CTBP1: variants seen among roughly 807,000 people sequenced by gnomAD.
CTBP1 encodes C-terminal binding protein 1.
CTBP1 carries 11 observed loss-of-function variants against 42.1 expected under a neutral mutation model. The observed-to-expected ratio is 0.26, with a 90% confidence interval of 0.16 to 0.43. CTBP1 has a LOEUF of 0.43. CTBP1 is among the 20% of genes least tolerant of loss of function. The probability of loss-of-function intolerance (pLI) is 1.00; values close to 1 mark genes in which losing one functional copy is unlikely to be tolerated. For missense variants in CTBP1, 399 were observed against 624.3 expected, an observed-to-expected ratio of 0.64 and a Z score of 3.85; for synonymous variants, 324 against 277.1, an observed-to-expected ratio of 1.17 and a Z score of -1.68.
rs139564814 is a variant in CTBP1, at chr4:1,222,840, C to T, written c.514+2520G>A. ...GGGCCGGGACCACAGACCCCGACCC[C>T]AGGAGAGACAGGACACATGACTCTG... On this transcript the variant is annotated intron_variant, in intron 5 of 9. Coordinates refer to ENST00000382952, the MANE Select transcript of CTBP1 (RefSeq NM_001012614.2). Among the ~76,000 whole-genome samples, 396 of 152,254 alleles carry T rather than the reference C, an allele frequency of 2.6e-3. 2 individuals are homozygous for T. The highest frequency in any genetic ancestry group is 8.6e-3 in the African/African-American group (358 of 41,542).
At chr4:1,237,647 C>T (rs151114452) in intron 3 of CTBP1, 12,582 of 370,538 alleles carry the variant, frequency 0.034, 438 homozygotes, top group Middle Eastern at 0.089. Flanking sequence ...ACCCCGTGTC[C>T]ACCTCCTGAT....
At position 1,221,989 on chromosome 4, in the gene CTBP1, G is replaced by A. The variant is rs1183403356; in HGVS notation, c.514+3371C>T. Reference sequence around the variant, plus strand: ...GTCTGCGCCGAGTGGCACCAACACCGTGAGCCACACGCTGCCCAGGGCTTC... The same window carrying A: ...GTCTGCGCCGAGTGGCACCAACACCATGAGCCACACGCTGCCCAGGGCTTC... On this transcript the variant is annotated intron_variant, in intron 5 of 9. Transcript: ENST00000382952. The A allele has an allele frequency of 2.0e-5, 6 of 304,732 alleles. 1 individual carries two copies. Among genetic ancestry groups the A allele is most frequent in the Admixed American group, 9.1e-5 (2 of 21,868 alleles). 18.9% of individuals were successfully genotyped at this position (304,732 alleles called of 1,614,324 possible).
At chr4:1,242,236 G>A (rs1305814261) in intron 1 of CTBP1, 2 of 985,324 alleles carry the variant, frequency 2.0e-6, no homozygotes, top group African/African-American at 1.7e-5. Context: ...GTAGAGGCTT[G>A]AGAGTGCACA....
intron 5 of CTBP1, among the ~76,000 whole-genome samples, chr4:1,219,817 T>G (rs1463260504): frequency 2.0e-5 from 3 of 152,254 alleles, no homozygotes. Context: ...CACAAGCCAC[T>G]GCACCCGGCC....
intron 5 of CTBP1, among the ~76,000 whole-genome samples, chr4:1,222,195 C>G (rs1729815032): frequency 6.6e-6 from 1 of 152,116 alleles, no homozygotes; most frequent in Admixed American, 6.5e-5. Flanking sequence ...GGCTCAGGGA[C>G]AAGGGCGAGG....
chr4:1,221,906 G>A (rs1158673751), intron 5 of CTBP1: 3 of 390,000 alleles, frequency 7.7e-6, no homozygotes, highest in South Asian at 1.8e-5. Flanking sequence ...GAAACAAGAA[G>A]GAGATGTAAG....
chr4:1,240,192 G>A (rs972880665), intron 2 of CTBP1, among the ~76,000 whole-genome samples: 4 of 147,934 alleles, frequency 2.7e-5, no homozygotes, highest in South Asian at 4.4e-4. Flanking sequence ...GGGGACTCCC[G>A]GGTGCTGGGT....
chr4:1,239,569 A>C (rs893280731), intron 2 of CTBP1, among the ~76,000 whole-genome samples: 41 of 152,198 alleles, frequency 2.7e-4, no homozygotes, highest in Non-Finnish European at 8.8e-5. Context: ...TCCAGGAAGC[A>C]GGGAAGTGCC....
rs1321257904 is a variant in CTBP1 at position 1,216,052 on chromosome 4, G to C, written c.668C>G (p.Thr223Ser). The C allele has an allele frequency of 3.1e-6, 5 of 1,611,714 alleles. No individual in the cohort carries two copies. Among genetic ancestry groups the C allele is most frequent in the Non-Finnish European group, 4.2e-6 (5 of 1,179,898 alleles). ...QDLLFHSDCVTLHCGLNEHNH... is the reference protein window; with the variant it reads ...QDLLFHSDCVSLHCGLNEHNH... ...GTGCTCGTTGAGGCCGCAGTGCAGG[G>C]TCACGCAGTCGCTGTGGAAGAGCAG... Residue 223 changes from threonine to serine, a missense_variant, in exon 6 of 10, where the codon ACC (threonine) becomes AGC (serine). Physicochemically the swap from Thr to Ser is moderately conservative, Grantham distance 58. Around this residue, in one of 4 missense-constraint regions of CTBP1, gnomAD observed 309 missense variants for 497.5 expected, o/e 0.62. Transcript: ENST00000382952.
At position 1,228,253 on chromosome 4, in the gene CTBP1, C is replaced by A. The variant is rs1221610147; in HGVS notation, c.253G>T (p.Val85Phe). 2 of 1,614,046 alleles carry A rather than the reference C, an allele frequency of 1.2e-6. No homozygotes were observed. Among genetic ancestry groups the A allele is most frequent in the South Asian group, 2.2e-5 (2 of 91,086 alleles). ...LEKFKALRII[V>F]RIGSGFDNID... ...TTGTCAAAACCACTGCCAATCCGGA[C>A]GATGATGCGGAGGGCTTTGAACTTC... The change falls in exon 4 of 10, where the codon GTC (valine) becomes TTC (phenylalanine). Residue 85 changes from valine to phenylalanine, a missense_variant. By Grantham distance (50) the Val-to-Phe change is conservative. Transcript: ENST00000382952.
rs900694788 is a variant in CTBP1 at position 1,233,975 on chromosome 4, G to T, written c.162+4208C>A. ...CTGCCTCCTGCCTTGTTGCTCCACG[G>T]TTCCCAGCACGTGGCTCCCCTCACA... On this transcript the variant is annotated intron_variant, in intron 3 of 9. Coordinates refer to ENST00000382952, the MANE Select transcript of CTBP1 (RefSeq NM_001012614.2). The surrounding 1 kb of genome is among the most constrained non-coding windows in gnomAD (Gnocchi z 4.6). 3.9e-5 allele frequency among the ~76,000 whole-genome samples: 6 copies of T among 152,300 alleles called. No individual in the cohort carries two copies. The highest frequency in any genetic ancestry group is 2.0e-4 in the Admixed American group (3 of 15,308).
chr4:1,242,738 C>G (rs1732308445), intron 1 of CTBP1: 1 of 985,438 alleles, frequency 1.0e-6, no homozygotes, highest in Non-Finnish European at 1.2e-6. Flanking sequence ...CCCCCATGAC[C>G]TGCGCTGCAG....
chr4:1,225,463 C>G lies in CTBP1; in HGVS notation c.411G>C (p.Gln137His), dbSNP rs1359438837. ...GGACTCGTGTGCCCTCCCGCAGCGC[C>G]TGGTGCAGCCAGGTGGCCCGCCGGT... ...NLYRRATWLHQALREGTRVQS... is the reference protein window; with the variant it reads ...NLYRRATWLHHALREGTRVQS... Residue 137 changes from glutamine (Q) to histidine (H), a missense_variant, in exon 5 of 10, where the codon CAG (glutamine) becomes CAC (histidine). Physicochemically the swap from Gln to His is conservative, Grantham distance 24. Transcript: ENST00000382952. The G allele has an allele frequency of 1.3e-6, 2 of 1,543,164 alleles. No homozygotes were observed. The highest frequency in any genetic ancestry group is 8.7e-7 in the Non-Finnish European group (1 of 1,146,808).
At chr4:1,236,195 G>A in intron 3 of CTBP1, 1 of 169,848 alleles carries the variant, frequency 5.9e-6, no homozygotes, top group Non-Finnish European at 1.3e-5. Flanking sequence ...TATCCTGTGA[G>A]CTCCTGGGGG....
intron 3 of CTBP1, among the ~76,000 whole-genome samples, chr4:1,231,626 C>T (rs1327483642): frequency 2.6e-5 from 4 of 152,248 alleles, no homozygotes; most frequent in East Asian, 1.9e-4. Context: ...GACTCGACGT[C>T]GCACTTACCT....
intron 5 of CTBP1, among the ~76,000 whole-genome samples, chr4:1,219,256 G>C (rs1206955192): frequency 6.6e-6 from 1 of 152,136 alleles, no homozygotes; most frequent in Non-Finnish European, 1.5e-5. Flanking sequence ...GGAGGCTAAG[G>C]CAAGAGGATC....
chr4:1,222,449 C>T (rs1050779111), intron 5 of CTBP1, among the ~76,000 whole-genome samples: 1 of 152,136 alleles, frequency 6.6e-6, no homozygotes, highest in African/African-American at 2.4e-5. Context: ...TGCCCCCCAG[C>T]AGCTCCAGGG....
chr4:1,220,911 T>G (rs1729666286), intron 5 of CTBP1, among the ~76,000 whole-genome samples: 1 of 152,174 alleles, frequency 6.6e-6, no homozygotes, highest in South Asian at 2.1e-4. Flanking sequence ...GACCCTGGGG[T>G]AAACAGATTC....
chr4:1,222,820 G>A (rs569538065), intron 5 of CTBP1, among the ~76,000 whole-genome samples: 5 of 152,228 alleles, frequency 3.3e-5, no homozygotes, highest in African/African-American at 4.8e-5. Context: ...CTTCAGGGCC[G>A]GGACCACAGA....
Sources: gnomAD v4.1 joint callset for allele counts (sites outside exome capture counted in the v4.1 genomes callset) on GRCh38, gnomAD v4.1.1 for gene constraint, gnomAD v4.1.1 regional missense constraint, Gnocchi (gnomAD v3.1) non-coding constraint, MANE v1.5 for transcripts, NCBI Gene and HGNC (gene_info 2026-07-23, HGNC 2026-07-21) for gene names.